THSD7A: variants seen among roughly 807,000 people sequenced by gnomAD.
THSD7A encodes the protein thrombospondin type 1 domain containing 7A.
A neutral mutation model predicts 231.3 loss-of-function variants in THSD7A; 96 were observed. The observed-to-expected ratio is 0.41, with a 90% CI of 0.35 to 0.49. The LOEUF (loss-of-function observed/expected upper bound fraction) is 0.49, where lower values mean the gene tolerates loss of function less well. Among genes scored for constraint, THSD7A ranks in the 20% least tolerant of loss-of-function variants. The pLI is 0.05. For synonymous variants in THSD7A, 940 were observed against 743.3 expected, an observed-to-expected ratio of 1.26 and a Z score of -4.30; for missense variants, 2,290 against 2,070.2, an observed-to-expected ratio of 1.11 and a Z score of -2.06.
At chr7:11,464,456 G>T (rs1460453750) in intron 9 of THSD7A, among the ~76,000 whole-genome samples, 1 of 152,108 alleles carries the variant, frequency 6.6e-6, no homozygotes, top group Non-Finnish European at 1.5e-5. Flanking sequence ...ATGGCACCTG[G>T]TGCATAGCCA....
In THSD7A at chr7:11,401,714, CTTTG is replaced by C. The variant is rs375328454; in HGVS notation, c.4411+77_4411+80del. On this transcript the variant is annotated intron_variant, in intron 23 of 27. Transcript: ENST00000423059. ...GGCGTGAGCCACCGCACGTGGCCAA[CTTTG>C]TTTATTTTTAACAGACTATTTTTTT... The C allele has an allele frequency of 1.7e-3, 2,345 of 1,391,984 alleles. 31 individuals are homozygous for C. In the African/African-American group the frequency reaches 0.031, roughly 18 times the overall value. 86.2% of individuals were successfully genotyped at this position (1,391,984 alleles called of 1,614,324 possible).
intron 1 of THSD7A, among the ~76,000 whole-genome samples, chr7:11,762,819 C>T (rs1246757484): frequency 7.9e-5 from 12 of 151,686 alleles, no homozygotes; most frequent in East Asian, 3.9e-4. Flanking sequence ...CACAAACAAA[C>T]GGAAAAACAT....
At chr7:11,442,530 C>T (rs1051169606) in intron 13 of THSD7A, among the ~76,000 whole-genome samples, 3 of 151,944 alleles carry the variant, frequency 2.0e-5, no homozygotes, top group African/African-American at 7.2e-5. Context: ...TCCAGAGCCA[C>T]TTAATAACCA....
At chr7:11,456,267 T>A (rs749248735) in intron 11 of THSD7A, among the ~76,000 whole-genome samples, 1 of 152,032 alleles carries the variant, frequency 6.6e-6, no homozygotes, top group Non-Finnish European at 1.5e-5. Flanking sequence ...GGAATGTTTT[T>A]CTCTCTTGTC....
chr7:11,407,286 A>G lies in THSD7A; in HGVS notation c.3916+20T>C, dbSNP rs766708626. ...TATTCCTTGACCAGTAGCCTAATAT[A>G]AGTTATGGTACAAACAAACCTGTGA... On this transcript the variant is annotated intron_variant, in intron 20 of 27. Coordinates refer to ENST00000423059, the MANE Select transcript of THSD7A (RefSeq NM_015204.3). 439 of 1,586,512 alleles carry G rather than the reference A, an allele frequency of 2.8e-4. 8 individuals carry two copies. In the South Asian group the frequency reaches 3.3e-3, roughly 12 times the overall value.
intron 1 of THSD7A, among the ~76,000 whole-genome samples, chr7:11,649,576 G>C (rs1324142989): frequency 6.6e-6 from 1 of 151,982 alleles, no homozygotes; most frequent in Non-Finnish European, 1.5e-5. Flanking sequence ...GAGTGTGTTG[G>C]TAAAAGCCAA....
intron 6 of THSD7A, among the ~76,000 whole-genome samples, chr7:11,514,623 GTTTT>G (rs1219184356): frequency 2.6e-5 from 4 of 152,022 alleles, no homozygotes; most frequent in African/African-American, 4.8e-5. Context: ...TTAAATAAGT[GTTTT>G]TTGTCTTTAA....
At chr7:11,400,568 G>A (rs1340877430) in intron 23 of THSD7A, among the ~76,000 whole-genome samples, 2 of 151,958 alleles carry the variant, frequency 1.3e-5, no homozygotes, top group Non-Finnish European at 2.9e-5. Context: ...TTTCTTTCTT[G>A]CCTTGGGAAT....
chr7:11,492,915 C>T (rs1786958399), intron 6 of THSD7A, among the ~76,000 whole-genome samples: 2 of 152,008 alleles, frequency 1.3e-5, no homozygotes, highest in African/African-American at 4.8e-5. Flanking sequence ...TAGTTGTCTG[C>T]TAGGAGATCA....
chr7:11,560,105 A>C (rs911161975), intron 4 of THSD7A, among the ~76,000 whole-genome samples: 9 of 152,202 alleles, frequency 5.9e-5, no homozygotes, highest in African/African-American at 2.2e-4. Context: ...GCTAGAGCAT[A>C]ATCACCAATA....
chr7:11,560,779 AC>A (rs1361966418), intron 4 of THSD7A, among the ~76,000 whole-genome samples: 2 of 147,312 alleles, frequency 1.4e-5, no homozygotes, highest in Non-Finnish European at 3.0e-5. Context: ...TTGCTCAACT[AC>A]GGGTGTGTTC....
chr7:11,412,823 C>A (rs1319159859), intron 17 of THSD7A, 23 bp from the exon 18 acceptor site: 2 of 1,600,352 alleles, frequency 1.2e-6, no homozygotes, highest in African/African-American at 2.7e-5. Flanking sequence ...AGTACAAATT[C>A]TCAGAAAGGT....
intron 23 of THSD7A, among the ~76,000 whole-genome samples, chr7:11,396,798 G>A (rs773342497): frequency 1.3e-4 from 20 of 152,198 alleles, no homozygotes; most frequent in Non-Finnish European, 1.9e-4. Flanking sequence ...CCATCATCCC[G>A]ATACCAAAAC....
In THSD7A at chr7:11,372,198, G is replaced by A. The variant is rs895793034; in HGVS notation, c.*3596C>T. 5.0e-4 allele frequency: 76 copies of A among 152,138 alleles called. No individual in the cohort carries two copies. Among genetic ancestry groups the A allele is most frequent in the Middle Eastern group, 3.4e-3 (1 of 294 alleles). The allele number at this position is 152,138 out of a possible 1,614,324, so 9.4% of individuals were successfully genotyped here. A position where few individuals can be genotyped will look rare whatever the true frequency, so the allele number is the denominator to read the frequency against. ...TGTGGCCTAAAGACATGTACATTAC[G>A]TAGGGGAAAATACTAACCCCATCTA... On this transcript the variant is annotated 3_prime_UTR_variant, in exon 28 of 28. Transcript: ENST00000423059.
At chr7:11,671,882 T>C (rs1052879413) in intron 1 of THSD7A, among the ~76,000 whole-genome samples, 1 of 152,128 alleles carries the variant, frequency 6.6e-6, no homozygotes, top group African/African-American at 2.4e-5. Context: ...AATAGGTGAG[T>C]TTATAATAAA....
chr7:11,532,323 G>C (rs1283096992), intron 6 of THSD7A, among the ~76,000 whole-genome samples: 1 of 152,042 alleles, frequency 6.6e-6, no homozygotes, highest in Non-Finnish European at 1.5e-5. Context: ...ATTAAGTTTG[G>C]GGTAATTTGT....
intron 3 of THSD7A, among the ~76,000 whole-genome samples, chr7:11,592,236 A>T (rs1174479898): frequency 6.6e-6 from 1 of 152,178 alleles, no homozygotes; most frequent in Non-Finnish European, 1.5e-5. Context: ...GTGCTGCAGA[A>T]TTATATATCT....
chr7:11,621,412 T>C (rs977226569), intron 2 of THSD7A, among the ~76,000 whole-genome samples: 5 of 152,192 alleles, frequency 3.3e-5, no homozygotes, highest in African/African-American at 9.6e-5. Context: ...ATATAAACTT[T>C]ATATGAGTTT....
chr7:11,602,974 C>G (rs900825081), intron 2 of THSD7A, among the ~76,000 whole-genome samples: 1 of 151,126 alleles, frequency 6.6e-6, no homozygotes, highest in African/African-American at 2.4e-5. Flanking sequence ...TGGGCAAGGA[C>G]TTCATGTCTA....
Sources: gnomAD v4.1 joint callset for allele counts (sites outside exome capture counted in the v4.1 genomes callset) on GRCh38, gnomAD v4.1.1 for gene constraint, MANE v1.5 for transcripts, NCBI Gene and HGNC (gene_info 2026-07-23, HGNC 2026-07-21) for gene names.